The following RNF214 variants were observed in gnomAD, a reference collection of about 807,000 sequenced individuals.
The protein encoded by RNF214 is ring finger protein 214.
Under a neutral mutation model 75.9 loss-of-function variants are expected in RNF214, and 25 were observed. That is an observed-to-expected ratio of 0.33 (90% CI 0.24 to 0.46). RNF214 has a LOEUF of 0.46. RNF214 is among the 20% of genes least tolerant of loss of function. The probability of loss-of-function intolerance (pLI) is 1.00; values close to 1 mark genes in which losing one functional copy is unlikely to be tolerated. For synonymous variants in RNF214, 314 were observed against 308.8 expected, an observed-to-expected ratio of 1.02 and a Z score of -0.18; for missense variants, 725 against 857.5, an observed-to-expected ratio of 0.85 and a Z score of 1.93.
At chr11:117,233,839 G>A (rs2032816833) in intron 1 of RNF214, among the ~76,000 whole-genome samples, 2 of 152,182 alleles carry the variant, frequency 1.3e-5, no homozygotes, top group African/African-American at 2.4e-5. Context: ...AATGGAGAAT[G>A]CTTTGAATGT....
chr11:117,248,796 A>G (rs566675802), intron 6 of RNF214, among the ~76,000 whole-genome samples: 10 of 152,362 alleles, frequency 6.6e-5, no homozygotes, highest in South Asian at 2.1e-4. Context: ...TGTCTTCACA[A>G]TCTGTGTGAG....
chr11:117,281,570 A>G, intron 9 of RNF214, 30 bp from the exon 10 acceptor site: 1 of 1,536,664 alleles, frequency 6.5e-7, no homozygotes, highest in Non-Finnish European at 9.0e-7. Context: ...GAGTCAGTTC[A>G]GCAGTAAAAA....
rs2034125814 is a variant in RNF214 at position 117,281,465 on chromosome 11, A to G, written c.1236+61A>G. On this transcript the variant is annotated intron_variant, in intron 9 of 14. Transcript: ENST00000300650. ...TAGTCTGTGCTTAACACTTCCAGCA[A>G]TTGGGAGGTAGCCTTTTGCATTGCC... The G allele has an allele frequency of 4.9e-6, 7 of 1,441,648 alleles. No homozygotes were observed. The South Asian group carries it at 8.0e-5, about 17-fold the overall frequency. The allele number at this position is 1,441,648 out of a possible 1,614,324, so 89.3% of individuals were successfully genotyped here.
chr11:117,275,243 A>G (rs890746649), intron 6 of RNF214, among the ~76,000 whole-genome samples: 4 of 152,198 alleles, frequency 2.6e-5, no homozygotes, highest in Non-Finnish European at 4.4e-5. Flanking sequence ...TCAAAATCTC[A>G]GATACAGCAA....
At chr11:117,275,350 A>G (rs1452220869) in intron 6 of RNF214, among the ~76,000 whole-genome samples, 2 of 152,178 alleles carry the variant, frequency 1.3e-5, no homozygotes, top group Non-Finnish European at 2.9e-5. Flanking sequence ...TCAAGGAACT[A>G]AAAAAACAGG....
chr11:117,242,743 C>T (rs528684235), intron 4 of RNF214, among the ~76,000 whole-genome samples: 2 of 152,296 alleles, frequency 1.3e-5, no homozygotes, highest in Non-Finnish European at 2.9e-5. Context: ...ATCCCAACTA[C>T]TCTGGAGGCT....
chr11:117,264,060 C>T (rs930124289), intron 6 of RNF214: 4 of 154,880 alleles, frequency 2.6e-5, no homozygotes, highest in South Asian at 2.0e-4. Context: ...CGGTGGCTCA[C>T]GCCTGTAATC....
chr11:117,275,119 A>G (rs1255010093), intron 6 of RNF214, among the ~76,000 whole-genome samples: 1 of 152,160 alleles, frequency 6.6e-6, no homozygotes, highest in Non-Finnish European at 1.5e-5. Context: ...GAACTCTCAA[A>G]CCTATAGAAA....
At chr11:117,236,253 A>G (rs991423711) in intron 2 of RNF214, among the ~76,000 whole-genome samples, 2 of 149,362 alleles carry the variant, frequency 1.3e-5, no homozygotes, top group African/African-American at 4.9e-5. Context: ...GAGCCACTGC[A>G]CCTAGCTCCG....
chr11:117,236,313 A>C (rs1269039200), intron 2 of RNF214, among the ~76,000 whole-genome samples: 3 of 133,418 alleles, frequency 2.2e-5, no homozygotes, highest in Non-Finnish European at 4.9e-5. Flanking sequence ...TTGCTCCGTC[A>C]CCCAGGCTGG....
Position 117,238,791 on chromosome 11 carries a change from C to A in RNF214, c.298C>A (p.Leu100Ile). 6.2e-7 allele frequency: 1 copy of A among 1,614,192 alleles called. No homozygotes were observed. Among genetic ancestry groups the A allele is most frequent in the Non-Finnish European group, 8.5e-7 (1 of 1,180,040 alleles). The change falls in exon 3 of 15, where the codon CTT becomes ATT. Residue 100 changes from leucine (L) to isoleucine (I), a missense_variant. Leu to Ile is a conservative substitution (Grantham distance 5). Transcript: ENST00000300650. ...AAACTTGATAGCCACAGCCCTTTGT[C>A]TTTCTGGCAGTGGGTCTCAGTCTGA... is the stretch of plus-strand genomic sequence containing the variant. ...GENLIATALCLSGSGSQSDLK... is the reference protein window; with the variant it reads ...GENLIATALCISGSGSQSDLK...
chr11:117,256,502 G>A lies in RNF214; in HGVS notation c.959+9554G>A, dbSNP rs529334976. On this transcript the variant is annotated intron_variant, in intron 6 of 14. Transcript: ENST00000300650. ...CATTCATATCCCTGGCACATTGTGG[G>A]GGACTCCTGGAAAGCTGAGCTCAGC... Among the ~76,000 whole-genome samples the A allele has an allele frequency of 2.6e-5, 4 of 152,214 alleles. No individual in the cohort carries two copies. In the East Asian group the frequency reaches 7.7e-4, roughly 29 times the overall value.
In RNF214 at chr11:117,246,871, G is replaced by A; in HGVS notation, c.882G>A (p.Glu294=). The A allele has an allele frequency of 6.2e-7, 1 of 1,613,302 alleles. No individual in the cohort carries two copies. Among genetic ancestry groups the A allele is most frequent in the Non-Finnish European group, 8.5e-7 (1 of 1,179,636 alleles). The part of the protein sequence containing the change: ...IKREETKKKI[E]KEKKEFLQKE... ...GGGAAGAAACAAAGAAGAAGATAGA[G>A]AAAGAGAAGAAGGAGTTTTTGCAGA... is the stretch of plus-strand genomic sequence containing the variant. Residue 294 remains glutamate, a synonymous_variant, in exon 6 of 15, where the codon GAG becomes GAA. Coordinates refer to ENST00000300650, the MANE Select transcript of RNF214 (RefSeq NM_207343.4).
Position 117,279,987 on chromosome 11 carries a change from C to G in RNF214, c.1039C>G (p.Arg347Gly), listed in dbSNP as rs2034094655. The G allele has an allele frequency of 6.2e-7, 1 of 1,612,366 alleles. No individual in the cohort carries two copies. Among genetic ancestry groups the G allele is most frequent in the African/African-American group, 1.3e-5 (1 of 74,868 alleles). Reference protein sequence around the residue: ...INRNIMEETERAWKAEILSLE... With the variant: ...INRNIMEETEGAWKAEILSLE... ...TAGGAACATTATGGAAGAGACTGAACGGGCCTGGAAGGCAGAGGTGAGAAG... is the reference window on the plus strand; with the variant it reads ...TAGGAACATTATGGAAGAGACTGAAGGGGCCTGGAAGGCAGAGGTGAGAAG... The change falls in exon 7 of 15, where the codon CGG becomes GGG. Residue 347 changes from arginine (R) to glycine (G), a missense_variant. Transcript: ENST00000300650.
rs577187581 is a variant in RNF214 at position 117,248,975 on chromosome 11, G to A, written c.959+2027G>A. ...GTCTTGCTCTGTTGCCCAGGCTGGA[G>A]TGCAGTGGCGCAATCTCGGCTCATG... On this transcript the variant is annotated intron_variant, in intron 6 of 14. Transcript: ENST00000300650. Among the ~76,000 whole-genome samples the A allele has an allele frequency of 1.1e-4, 17 of 152,148 alleles. 1 individual carries two copies. In the Middle Eastern group the frequency reaches 0.017, roughly 152 times the overall value.
At chr11:117,267,454 G>A (rs1223055418) in intron 6 of RNF214, among the ~76,000 whole-genome samples, 1 of 152,076 alleles carries the variant, frequency 6.6e-6, no homozygotes, top group African/African-American at 2.4e-5. Flanking sequence ...GCTCACACCT[G>A]TAATTTCAGC....
intron 6 of RNF214, among the ~76,000 whole-genome samples, chr11:117,269,033 G>A (rs1454574439): frequency 1.3e-5 from 2 of 152,194 alleles, no homozygotes; most frequent in Admixed American, 6.6e-5. Context: ...ATAAAGTCCA[G>A]ATGCTTATAT....
chr11:117,247,363 C>T (rs1169836139), intron 6 of RNF214, among the ~76,000 whole-genome samples: 1 of 152,226 alleles, frequency 6.6e-6, no homozygotes, highest in East Asian at 1.9e-4. Flanking sequence ...GTTGTGGTGG[C>T]ACGTGGCTGT....
chr11:117,247,964 C>T (rs1487934668), intron 6 of RNF214, among the ~76,000 whole-genome samples: 4 of 151,802 alleles, frequency 2.6e-5, no homozygotes, highest in Admixed American at 6.6e-5. Context: ...CAAACAGTAA[C>T]ATTGTAAGCT....
Sources: allele counts gnomAD v4.1 joint callset (sites outside exome capture counted in the v4.1 genomes callset), GRCh38; gene constraint gnomAD v4.1.1; transcripts MANE v1.5; gene names NCBI Gene and HGNC (gene_info 2026-07-23, HGNC 2026-07-21).